The following RSPRY1 variants were observed in gnomAD, a reference collection of about 807,000 sequenced individuals.
RSPRY1 encodes the protein RING finger and SPRY domain-containing protein 1.
RSPRY1 carries 23 observed loss-of-function variants against 73.1 expected under a neutral mutation model. That is an observed-to-expected ratio of 0.31 (90% CI 0.23 to 0.45). The LOEUF (loss-of-function observed/expected upper bound fraction) is 0.45. Ranked by LOEUF, RSPRY1 falls within the 20% of genes least tolerant of loss-of-function variation. RSPRY1 has a pLI of 1.00. For missense variants in RSPRY1, 448 were observed against 698.7 expected (o/e 0.64, Z 4.05); for synonymous variants, 226 against 251.4 (o/e 0.90, Z 0.95).
intron 1 of RSPRY1, among the ~76,000 whole-genome samples, chr16:57,196,861 G>A (rs929083459): frequency 3.9e-5 from 6 of 152,198 alleles, no homozygotes; most frequent in Admixed American, 3.9e-4. Context: ...GTTAGGCACT[G>A]TGCCATGCGT....
intron 2 of RSPRY1, among the ~76,000 whole-genome samples, chr16:57,205,747 T>C (rs568959433): frequency 3.2e-4 from 48 of 152,306 alleles, no homozygotes; most frequent in African/African-American, 1.2e-3. Context: ...CTGCATGACA[T>C]TGGGTAAGTT....
At chr16:57,215,282 T>C (rs1289060314) in intron 6 of RSPRY1, among the ~76,000 whole-genome samples, 1 of 152,150 alleles carries the variant, frequency 6.6e-6, no homozygotes, top group Non-Finnish European at 1.5e-5. Context: ...AGTAGCCAGC[T>C]AGAAAGGGTT....
chr16:57,235,091 C>A, intron 13 of RSPRY1, 33 bp from the exon 14 acceptor site: 1 of 1,526,714 alleles, frequency 6.6e-7, no homozygotes, highest in Non-Finnish European at 9.1e-7. Flanking sequence ...CCCCTGTTGA[C>A]AAAATGTATT....
intron 2 of RSPRY1, chr16:57,207,664 C>G (rs1421172488): frequency 2.0e-5 from 9 of 459,332 alleles, no homozygotes; most frequent in Admixed American, 7.0e-5. Context: ...ATTGTCGTCT[C>G]TCTTCCTGGC....
rs765015518 is a variant in RSPRY1, at chr16:57,217,039, A to G, written c.901+4A>G. 1 of 1,614,120 alleles carries G rather than the reference A, an allele frequency of 6.2e-7. No homozygotes were observed. The highest frequency in any genetic ancestry group is 8.5e-7 in the Non-Finnish European group (1 of 1,179,980). ...CAGTGGAGCTTAGACAATCTCTGTA[A>G]GTGGGAGTTGTCCTTTATTAAAATG... is the stretch of plus-strand genomic sequence containing the variant. On this transcript the variant is annotated splice_donor_region_variant and intron_variant, in intron 8 of 14. Coordinates refer to ENST00000394420, the MANE Select transcript of RSPRY1 (RefSeq NM_133368.3).
At chr16:57,208,178 T>G in intron 3 of RSPRY1, 68 bp downstream of exon 3, 1 of 992,772 alleles carries the variant, frequency 1.0e-6, no homozygotes, top group Admixed American at 2.4e-5. Flanking sequence ...AGCCACCTTT[T>G]GTTTTTTGTT....
At chr16:57,203,142 T>C (rs1371749930) in intron 1 of RSPRY1, among the ~76,000 whole-genome samples, 1 of 151,742 alleles carries the variant, frequency 6.6e-6, no homozygotes, top group Non-Finnish European at 1.5e-5. Flanking sequence ...ACTAAAAATA[T>C]AAAAACTGGC....
Position 57,230,825 on chromosome 16 carries a change from T to A in RSPRY1, c.1376+12T>A. The A allele has an allele frequency of 5.3e-6, 8 of 1,515,514 alleles. No homozygotes were observed. The highest frequency in any genetic ancestry group is 6.4e-6 in the Non-Finnish European group (7 of 1,093,806). The allele number at this position is 1,515,514 out of a possible 1,614,324, so 93.9% of individuals were successfully genotyped here. ...TTTTCATCTACTGTGTAAGTAGCTC[T>A]TCTCAGTCAAAAATTCGAGTAGATG... On this transcript the variant is annotated intron_variant, in intron 12 of 14. Coordinates refer to ENST00000394420, the MANE Select transcript of RSPRY1 (RefSeq NM_133368.3).
chr16:57,216,046 C>G (rs1425931539), intron 6 of RSPRY1, 61 bp from the exon 7 acceptor site: 2 of 1,313,162 alleles, frequency 1.5e-6, no homozygotes, highest in Non-Finnish European at 2.2e-6. Context: ...AAACTGATAA[C>G]TTGCCACCTC....
chr16:57,215,540 CAT>C (rs2074924051), intron 6 of RSPRY1, among the ~76,000 whole-genome samples: 4 of 152,160 alleles, frequency 2.6e-5, no homozygotes, highest in South Asian at 4.1e-4. Context: ...AAGGGGAACT[CAT>C]GTGACATGAG....
intron 1 of RSPRY1, among the ~76,000 whole-genome samples, chr16:57,199,895 G>GTTTTTTTTTTCTTTTTTTTTTTTTTTTT (rs2074530206): frequency 5.6e-5 from 6 of 106,252 alleles, no homozygotes; most frequent in Non-Finnish European, 9.3e-5. Flanking sequence ...TTTTTTGTTT[G>GTTTTTTTTTTCTTTTTTTTTTTTTTTTT]TTTTTTTTTT....
At chr16:57,195,793 T>C (rs111763413) in intron 1 of RSPRY1, among the ~76,000 whole-genome samples, 13,708 of 151,446 alleles carry the variant, frequency 0.091, 759 homozygotes, top group East Asian at 0.23. Context: ...GAGGCTGAAG[T>C]GGGTGGATCA....
Position 57,213,958 on chromosome 16 carries a change from A to G in RSPRY1, c.702+12A>G, listed in dbSNP as rs2074893137. ...TGCTACAGTGTCTGGTAAGTGAGAC[A>G]TCAAAACTATTTATTCTTAGTCATC... On this transcript the variant is annotated intron_variant, in intron 6 of 14. Coordinates refer to ENST00000394420, the MANE Select transcript of RSPRY1 (RefSeq NM_133368.3). 1 of 1,575,112 alleles carries G rather than the reference A, an allele frequency of 6.3e-7. No individual in the cohort carries two copies. The highest frequency in any genetic ancestry group is 8.7e-7 in the Non-Finnish European group (1 of 1,144,366).
At chr16:57,219,383 G>C (rs1248614465) in intron 8 of RSPRY1, among the ~76,000 whole-genome samples, 1 of 152,126 alleles carries the variant, frequency 6.6e-6, no homozygotes, top group Admixed American at 6.5e-5. Flanking sequence ...GCTCATTGTA[G>C]TTTTGATTTG....
chr16:57,229,256 G>T (rs1168614353), intron 11 of RSPRY1, among the ~76,000 whole-genome samples: 2 of 152,138 alleles, frequency 1.3e-5, no homozygotes, highest in African/African-American at 2.4e-5. Flanking sequence ...TCATTGCTGT[G>T]TAATTTCATT....
At chr16:57,213,770 G>A (rs1480427416) in intron 5 of RSPRY1, 118 bp from the exon 6 acceptor site, 2 of 783,890 alleles carry the variant, frequency 2.6e-6, no homozygotes, top group South Asian at 3.0e-5. Context: ...CCTCAGAGCA[G>A]GAGGCTTTAA....
At position 57,194,969 on chromosome 16, in the gene RSPRY1, AT is replaced by A. The variant is rs59857329; in HGVS notation, c.-156+8527del. 5.7e-3 allele frequency among the ~76,000 whole-genome samples: 865 copies of A among 151,190 alleles called. 10 individuals are homozygous for A. Among genetic ancestry groups the A allele is most frequent in the African/African-American group, 0.02 (835 of 41,224 alleles). ...GCTTACCAAGACCCTAAGTTTGATT[AT>A]TTTTTTTTGTCTCAGAGCAGCTTTA... On this transcript the variant is annotated intron_variant, in intron 1 of 14. Coordinates refer to ENST00000394420, the MANE Select transcript of RSPRY1 (RefSeq NM_133368.3).
At chr16:57,235,884 T>A (rs2075292585) in intron 14 of RSPRY1, among the ~76,000 whole-genome samples, 1 of 152,260 alleles carries the variant, frequency 6.6e-6, no homozygotes, top group Non-Finnish European at 1.5e-5. Context: ...CCTGGAGTGA[T>A]GAACCCAGTT....
At chr16:57,225,059 C>G (rs1023893541) in intron 10 of RSPRY1, among the ~76,000 whole-genome samples, 2 of 151,814 alleles carry the variant, frequency 1.3e-5, no homozygotes, top group Non-Finnish European at 2.9e-5. Flanking sequence ...TAGTGAATTT[C>G]TTTTGTTTTG....
Sources: allele counts gnomAD v4.1 joint callset (sites outside exome capture counted in the v4.1 genomes callset), GRCh38; gene constraint gnomAD v4.1.1; transcripts MANE v1.5; gene names NCBI Gene and HGNC (gene_info 2026-07-23, HGNC 2026-07-21).